Variants in ATP9B observed in about 807,000 individuals in gnomAD.
The protein encoded by ATP9B is probable phospholipid-transporting ATPase IIB.
A neutral mutation model predicts 146.1 loss-of-function variants in ATP9B; 110 were observed. The ratio of observed to expected loss-of-function variants is 0.75; its 90% CI spans 0.65 to 0.88. The LOEUF is 0.88. Ranked by LOEUF, ATP9B falls within the 40% of genes least tolerant of loss-of-function variation. The pLI is 0.00. For synonymous variants in ATP9B, 604 were observed against 569.7 expected, an observed-to-expected ratio of 1.06 and a Z score of -0.86; for missense variants, 1,499 against 1,496.4, an observed-to-expected ratio of 1.00 and a Z score of -0.03.
At chr18:79,366,553 G>A (rs1274333635) in intron 26 of ATP9B, among the ~76,000 whole-genome samples, 1 of 152,148 alleles carries the variant, frequency 6.6e-6, no homozygotes, top group Non-Finnish European at 1.5e-5. Context: ...TAGAAATGAA[G>A]GGCTGGATTG....
At chr18:79,132,417 C>A (rs903837787) in intron 5 of ATP9B, among the ~76,000 whole-genome samples, 1 of 152,100 alleles carries the variant, frequency 6.6e-6, no homozygotes, top group Admixed American at 6.6e-5. Flanking sequence ...ATGTGCTCTC[C>A]GAGTTCTAGA....
chr18:79,342,604 ATAAT>A (rs554536358), intron 20 of ATP9B, among the ~76,000 whole-genome samples: 9,605 of 151,724 alleles, frequency 0.063, 575 homozygotes, highest in African/African-American at 0.16. Context: ...AAATAAATAA[ATAAT>A]TAATTAATTA....
chr18:79,192,676 G>T (rs185284229), intron 8 of ATP9B, among the ~76,000 whole-genome samples: 1 of 152,348 alleles, frequency 6.6e-6, no homozygotes, highest in East Asian at 1.9e-4. Context: ...TCATGAGCAT[G>T]TGATTCAGAC....
intron 13 of ATP9B, among the ~76,000 whole-genome samples, chr18:79,294,585 A>G (rs887812384): frequency 6.6e-6 from 1 of 152,248 alleles, no homozygotes; most frequent in Admixed American, 6.5e-5. Context: ...CTGTAGAGTA[A>G]AAGAGGCTCA....
chr18:79,321,824 A>G (rs889519024), intron 15 of ATP9B, among the ~76,000 whole-genome samples: 3 of 152,228 alleles, frequency 2.0e-5, no homozygotes, highest in African/African-American at 4.8e-5. Flanking sequence ...TGAGTCACCA[A>G]ATATAGAAAG....
intron 9 of ATP9B, among the ~76,000 whole-genome samples, chr18:79,197,705 G>A (rs2095429610): frequency 6.6e-6 from 1 of 151,894 alleles, no homozygotes; most frequent in African/African-American, 2.4e-5. Flanking sequence ...TCTTTCCCCT[G>A]AAAAAAGACA....
intron 8 of ATP9B, among the ~76,000 whole-genome samples, chr18:79,177,425 A>G (rs528863620): frequency 8.0e-5 from 12 of 149,122 alleles, no homozygotes; most frequent in African/African-American, 2.2e-4. Context: ...TTTTTTTTGT[A>G]GAGATGGGGG....
chr18:79,263,488 GT>G lies in ATP9B; in HGVS notation c.1268+9950del, dbSNP rs772077629. Among the ~76,000 whole-genome samples, 20 of 152,358 alleles carry G rather than the reference GT, an allele frequency of 1.3e-4. 1 individual carries two copies. In the East Asian group the frequency reaches 1.3e-3, roughly 10 times the overall value. On this transcript the variant is annotated intron_variant, in intron 12 of 29. Transcript: ENST00000426216. Reference sequence around the variant, plus strand: ...GACTTGCACAGTTCAAACCTGTGTTGTTTGAGGGTCAGCTGTGAATTAGTTT... The same window carrying G: ...GACTTGCACAGTTCAAACCTGTGTTGTTGAGGGTCAGCTGTGAATTAGTTT...
At position 79,337,432 on chromosome 18, in the gene ATP9B, C is replaced by T. The variant is rs976628308; in HGVS notation, c.2266C>T (p.Arg756Cys). Reference protein sequence around the residue: ...ADVRPTLEMLRNAGIKIWMLT... With the variant: ...ADVRPTLEMLCNAGIKIWMLT... Reference sequence around the variant, plus strand: ...CGTGCGGCCCACGCTGGAGATGCTGCGCAACGCCGGGATCAAGGTACTGCA... The same window carrying T: ...CGTGCGGCCCACGCTGGAGATGCTGTGCAACGCCGGGATCAAGGTACTGCA... The change falls in exon 19 of 30, where the codon CGC (arginine) becomes TGC (cysteine). Residue 756 changes from arginine to cysteine, a missense_variant. By Grantham distance (180) the Arg-to-Cys change is radical. Coordinates refer to ENST00000426216, the MANE Select transcript of ATP9B (RefSeq NM_198531.5). 1.3e-5 allele frequency: 21 copies of T among 1,611,542 alleles called. No homozygotes were observed. The highest frequency in any genetic ancestry group is 1.6e-4 in the Middle Eastern group (1 of 6,072).
intron 2 of ATP9B, among the ~76,000 whole-genome samples, chr18:79,103,590 T>C (rs1013632124): frequency 8.5e-5 from 13 of 152,174 alleles, no homozygotes; most frequent in African/African-American, 2.9e-4. Context: ...ATAGTGGTGG[T>C]GACTGTGACT....
intron 15 of ATP9B, among the ~76,000 whole-genome samples, chr18:79,327,652 C>G (rs1267320721): frequency 6.9e-6 from 1 of 145,242 alleles, no homozygotes. Context: ...TTAGCATGCT[C>G]TCCGTGTTTA....
chr18:79,356,723 G>A (rs2096955664), intron 25 of ATP9B, among the ~76,000 whole-genome samples: 1 of 149,502 alleles, frequency 6.7e-6, no homozygotes, highest in Non-Finnish European at 1.5e-5. Flanking sequence ...GATTCATGGT[G>A]GCCAGGGATT....
intron 1 of ATP9B, among the ~76,000 whole-genome samples, chr18:79,093,602 C>T (rs1378960249): frequency 6.6e-6 from 1 of 152,028 alleles, no homozygotes; most frequent in Non-Finnish European, 1.5e-5. Flanking sequence ...AAGCTTTTGT[C>T]CATTTTTTTC....
intron 15 of ATP9B, among the ~76,000 whole-genome samples, chr18:79,322,564 G>A (rs2096722093): frequency 1.3e-5 from 2 of 152,214 alleles, no homozygotes; most frequent in Non-Finnish European, 1.5e-5. Context: ...CAGTGAGTAT[G>A]TCCTTTACTG....
At chr18:79,334,351 T>C (rs2046304) in intron 17 of ATP9B, among the ~76,000 whole-genome samples, 3,678 of 151,892 alleles carry the variant, frequency 0.024, 123 homozygotes, top group African/African-American at 0.077. Context: ...AGCAAGACTC[T>C]GTCTCAAAAA....
At chr18:79,373,024 T>C in intron 27 of ATP9B, 142 bp downstream of exon 27, 1 of 576,192 alleles carries the variant, frequency 1.7e-6, no homozygotes, top group South Asian at 2.3e-5. Flanking sequence ...GTTTATCTTG[T>C]AAATCAATAT....
At chr18:79,208,141 G>A (rs1476270433) in intron 10 of ATP9B, among the ~76,000 whole-genome samples, 2 of 152,230 alleles carry the variant, frequency 1.3e-5, no homozygotes, top group East Asian at 1.9e-4. Context: ...GCTACTCGGG[G>A]GGCTGAGGCA....
chr18:79,118,158 TAAAC>T (rs2094120346), intron 4 of ATP9B, among the ~76,000 whole-genome samples: 1 of 152,166 alleles, frequency 6.6e-6, no homozygotes. Context: ...TAAATATTGT[TAAAC>T]AATATGATTG....
chr18:79,121,149 A>C (rs2094182026), intron 4 of ATP9B, among the ~76,000 whole-genome samples: 1 of 152,234 alleles, frequency 6.6e-6, no homozygotes, highest in Admixed American at 6.5e-5. Flanking sequence ...ATAAGCCCTC[A>C]AAGGCACATC....
Sources: gnomAD v4.1 joint callset for allele counts (sites outside exome capture counted in the v4.1 genomes callset) on GRCh38, gnomAD v4.1.1 for gene constraint, MANE v1.5 for transcripts, NCBI Gene and HGNC (gene_info 2026-07-23, HGNC 2026-07-21) for gene names.